Variants in EFCAB3 observed in about 807,000 individuals in gnomAD.
EFCAB3 encodes the protein EF-hand calcium-binding domain-containing protein 3.
EFCAB3 carries 36 observed loss-of-function variants against 42.2 expected under a neutral mutation model. That is an observed-to-expected ratio of 0.85 (90% CI 0.65 to 1.13). The LOEUF (loss-of-function observed/expected upper bound fraction) is 1.13, where lower values mean the gene tolerates loss of function less well. EFCAB3 is among the 50% of genes most tolerant of loss of function. The probability of loss-of-function intolerance (pLI) is 0.00; values close to 1 mark genes in which losing one functional copy is unlikely to be tolerated. For synonymous variants in EFCAB3, 170 were observed against 172.8 expected (o/e 0.98, Z 0.13); for missense variants, 418 against 505.1 (o/e 0.83, Z 1.65).
intron 8 of EFCAB3, among the ~76,000 whole-genome samples, chr17:62,411,149 C>A (rs759992975): frequency 6.6e-6 from 1 of 152,178 alleles, no homozygotes; most frequent in Non-Finnish European, 1.5e-5. Context: ...TATCAAAAAT[C>A]TTTTAAAATC....
At chr17:62,408,930 T>A (rs545180677) in intron 8 of EFCAB3, among the ~76,000 whole-genome samples, 1 of 152,312 alleles carries the variant, frequency 6.6e-6, no homozygotes, top group African/African-American at 2.4e-5. Flanking sequence ...TTAGGTCTTG[T>A]CTCAAATGTC....
chr17:62,407,160 C>T lies in EFCAB3; in HGVS notation c.815C>T (p.Pro272Leu). The T allele has an allele frequency of 2.5e-6, 4 of 1,601,980 alleles. No individual in the cohort carries two copies. Among genetic ancestry groups the T allele is most frequent in the South Asian group, 2.3e-5 (2 of 87,918 alleles). ...QKLEMLRIKE[P>L]LHFFEDYFFH... ...TTAGAGATGCTAAGAATAAAGGAGC[C>T]TTTGCATTTCTTTGAGGATTATTTT... Residue 272 changes from proline to leucine, a missense_variant, in exon 8 of 10, where the codon CCT (proline) becomes CTT (leucine). By Grantham distance (98) the Pro-to-Leu change is moderately conservative. Coordinates refer to ENST00000305286, the MANE Select transcript of EFCAB3 (RefSeq NM_173503.4).
chr17:62,374,263 C>A (rs1246128316), intron 2 of EFCAB3, among the ~76,000 whole-genome samples: 2 of 152,076 alleles, frequency 1.3e-5, no homozygotes, highest in Non-Finnish European at 2.9e-5. Flanking sequence ...GAGTTTGAGA[C>A]CAGCCTGACC....
chr17:62,390,052 C>T (rs2070290153), intron 3 of EFCAB3, among the ~76,000 whole-genome samples: 2 of 152,044 alleles, frequency 1.3e-5, no homozygotes, highest in African/African-American at 4.8e-5. Context: ...TCCCAAAGTG[C>T]TGGGATTACA....
intron 8 of EFCAB3, among the ~76,000 whole-genome samples, chr17:62,411,926 CAG>C (rs2070501704): frequency 6.6e-6 from 1 of 150,436 alleles, no homozygotes; most frequent in Non-Finnish European, 1.5e-5. Context: ...GGAAGACAGA[CAG>C]AAAAAATAAA....
In EFCAB3 at chr17:62,412,247, G is replaced by A. The variant is rs192582391; in HGVS notation, c.868-1485G>A. ...AAAATGTAGCCAGGCATGGTGGCGCGTGTCTGTAATCCCAGCTACTAGGGA... is the reference window on the plus strand; with the variant it reads ...AAAATGTAGCCAGGCATGGTGGCGCATGTCTGTAATCCCAGCTACTAGGGA... On this transcript the variant is annotated intron_variant, in intron 8 of 9. Coordinates refer to ENST00000305286, the MANE Select transcript of EFCAB3 (RefSeq NM_173503.4). Among the ~76,000 whole-genome samples the A allele has an allele frequency of 5.4e-3, 807 of 149,924 alleles. 10 individuals carry two copies. Among genetic ancestry groups the A allele is most frequent in the Middle Eastern group, 0.017 (5 of 288 alleles).
At position 62,388,430 on chromosome 17, in the gene EFCAB3, C is replaced by T. The variant is rs114480163; in HGVS notation, c.151+1014C>T. 8.4e-3 allele frequency among the ~76,000 whole-genome samples: 1,277 copies of T among 152,188 alleles called. 16 individuals are homozygous for T. Among genetic ancestry groups the T allele is most frequent in the African/African-American group, 0.029 (1,221 of 41,526 alleles). On this transcript the variant is annotated intron_variant, in intron 3 of 9. Transcript: ENST00000305286. Reference sequence around the variant, plus strand: ...AGTTTCTAGGCAGAAAGAGCAGAATCTACAAAGGCCAGAAAAAAGGGAAAG... The same window carrying T: ...AGTTTCTAGGCAGAAAGAGCAGAATTTACAAAGGCCAGAAAAAAGGGAAAG...
At position 62,391,829 on chromosome 17, in the gene EFCAB3, A is replaced by C. The variant is rs1567723510; in HGVS notation, c.159A>C (p.Gln53His). The C allele has an allele frequency of 6.2e-7, 1 of 1,613,484 alleles. No homozygotes were observed. The highest frequency in any genetic ancestry group is 2.2e-5 in the East Asian group (1 of 44,826). Residue 53 changes from glutamine (Q) to histidine (H), a missense_variant, in exon 4 of 10, where the codon CAA becomes CAC. Physicochemically the swap from Gln to His is conservative, Grantham distance 24. Coordinates refer to ENST00000305286, the MANE Select transcript of EFCAB3 (RefSeq NM_173503.4). ...TTAATCCTATCTCCCCAGCTTTCCA[A>C]GATGCCTACAACTTCTTCTACAAGG... ...KLSASQMAAF[Q>H]DAYNFFYKDK...
chr17:62,383,038 T>C lies in EFCAB3; in HGVS notation c.59T>C (p.Ile20Thr), dbSNP rs757726582. 6.2e-7 allele frequency: 1 copy of C among 1,612,796 alleles called. No homozygotes were observed. The highest frequency in any genetic ancestry group is 8.5e-7 in the Non-Finnish European group (1 of 1,179,474). Reference protein sequence around the residue: ...LKLNPLTKVPISHNKRDRDLP... With the variant: ...LKLNPLTKVPTSHNKRDRDLP... ...CTGAATCCTCTAACAAAAGTACCCA[T>C]CTCCCACAATAAAAGGTAGGTAATG... Residue 20 changes from isoleucine (I) to threonine (T), a missense_variant, in exon 2 of 10, where the codon ATC (isoleucine) becomes ACC (threonine). Coordinates refer to ENST00000305286, the MANE Select transcript of EFCAB3 (RefSeq NM_173503.4).
rs1188721951 is a variant in EFCAB3 at position 62,404,796 on chromosome 17, C to CAAA, written c.489-1680_489-1678dup. 7.3e-5 allele frequency among the ~76,000 whole-genome samples: 11 copies of CAAA among 151,448 alleles called. No homozygotes were observed. In the South Asian group the frequency reaches 1.7e-3, roughly 23 times the overall value. On this transcript the variant is annotated intron_variant, in intron 6 of 9. Coordinates refer to ENST00000305286, the MANE Select transcript of EFCAB3 (RefSeq NM_173503.4). ...GGGCAACAAGAACAAAATTCCATCT[C>CAAA]AAAAAATAATAATAATAATAATAAT... is the stretch of plus-strand genomic sequence containing the variant.
intron 2 of EFCAB3, among the ~76,000 whole-genome samples, chr17:62,384,502 C>T (rs547055644): frequency 6.6e-6 from 1 of 152,224 alleles, no homozygotes; most frequent in East Asian, 1.9e-4. Flanking sequence ...GTAGTCCCAG[C>T]TACTCAAGGG....
At chr17:62,409,500 A>T (rs2070476325) in intron 8 of EFCAB3, among the ~76,000 whole-genome samples, 1 of 152,124 alleles carries the variant, frequency 6.6e-6, no homozygotes, top group Non-Finnish European at 1.5e-5. Context: ...ATGCCTGTGA[A>T]TGCACTGCAC....
At chr17:62,376,592 T>G (rs1475160177), upstream of EFCAB3, among the ~76,000 whole-genome samples, 1 of 152,230 alleles carries the variant, frequency 6.6e-6, no homozygotes, top group Non-Finnish European at 1.5e-5. Context: ...AAATTTCAGA[T>G]GACAGACATA....
intron 9 of EFCAB3, among the ~76,000 whole-genome samples, chr17:62,415,425 T>A (rs1395399161): frequency 6.6e-6 from 1 of 152,228 alleles, no homozygotes; most frequent in Non-Finnish European, 1.5e-5. Flanking sequence ...TCACAGAGAT[T>A]ACTGACTTAT....
chr17:62,395,265 C>T, intron 6 of EFCAB3, 77 bp downstream of exon 6: 2 of 1,547,886 alleles, frequency 1.3e-6, no homozygotes, highest in Non-Finnish European at 1.7e-6. Flanking sequence ...TCAGCTCCCA[C>T]TAACATCCAA....
In EFCAB3 at chr17:62,395,320, G is replaced by A. The variant is rs139259048; in HGVS notation, c.488+132G>A. On this transcript the variant is annotated intron_variant, in intron 6 of 9. Transcript: ENST00000305286. ...AAACTAAGGAGAAGAAGGTATCTGGGCAAATGCCCTTGTGCTACAACATGA... is the reference window on the plus strand; with the variant it reads ...AAACTAAGGAGAAGAAGGTATCTGGACAAATGCCCTTGTGCTACAACATGA... 1,366 of 1,161,698 alleles carry A rather than the reference G, an allele frequency of 1.2e-3. 7 individuals are homozygous for A. In the African/African-American group the frequency reaches 0.017, roughly 15 times the overall value. The allele number at this position is 1,161,698 out of a possible 1,614,324, so 72.0% of individuals were successfully genotyped here. A position where few individuals can be genotyped will look rare whatever the true frequency, so the allele number is the denominator to read the frequency against.
intron 6 of EFCAB3, among the ~76,000 whole-genome samples, chr17:62,400,097 G>A (rs752150285): frequency 6.6e-6 from 1 of 152,158 alleles, no homozygotes; most frequent in Middle Eastern, 3.4e-3. Flanking sequence ...ATCACACTGG[G>A]ATCTCCAGCC....
At chr17:62,410,315 A>G (rs1007798044) in intron 8 of EFCAB3, among the ~76,000 whole-genome samples, 3 of 152,202 alleles carry the variant, frequency 2.0e-5, no homozygotes, top group African/African-American at 7.2e-5. Flanking sequence ...TGAGCTCAGG[A>G]GTTTGAGACC....
Position 62,406,580 on chromosome 17 carries a change from C to T in EFCAB3, c.589C>T (p.Pro197Ser). The T allele has an allele frequency of 1.9e-6, 3 of 1,613,992 alleles. No individual in the cohort carries two copies. Among genetic ancestry groups the T allele is most frequent in the South Asian group, 1.1e-5 (1 of 91,076 alleles). ...KRTLKPDICT[P>S]PSSSMAAFAN... ...GACACTTAAGCCAGACATATGCACA[C>T]CTCCAAGCTCAAGCATGGCTGCCTT... Residue 197 changes from proline to serine, a missense_variant, in exon 7 of 10, where the codon CCT becomes TCT. Physicochemically the swap from Pro to Ser is moderately conservative, Grantham distance 74. Coordinates refer to ENST00000305286, the MANE Select transcript of EFCAB3 (RefSeq NM_173503.4).
Sources: allele counts gnomAD v4.1 joint callset (sites outside exome capture counted in the v4.1 genomes callset), GRCh38; gene constraint gnomAD v4.1.1; transcripts MANE v1.5; gene names NCBI Gene and HGNC (gene_info 2026-07-23, HGNC 2026-07-21).